Variants in ZSWIM5 observed in about 807,000 individuals in gnomAD.
ZSWIM5 encodes zinc finger SWIM domain-containing protein 5.
A neutral mutation model predicts 119.6 loss-of-function variants in ZSWIM5; 55 were observed. That is an observed-to-expected ratio of 0.46 (90% CI 0.37 to 0.58). ZSWIM5 has a LOEUF of 0.58. Ranked by LOEUF, ZSWIM5 falls within the 20% of genes least tolerant of loss-of-function variation. ZSWIM5 has a pLI of 0.00. For missense variants in ZSWIM5, 1,193 were observed against 1,512.8 expected (o/e 0.79, Z 3.51); for synonymous variants, 537 against 606.9 (o/e 0.88, Z 1.69).
chr1:45,197,389 T>C (rs1216581563), intron 1 of ZSWIM5, among the ~76,000 whole-genome samples: 2 of 152,238 alleles, frequency 1.3e-5, no homozygotes, highest in Non-Finnish European at 2.9e-5. Context: ...TTCATACATA[T>C]GAAATTGTAT....
At chr1:45,056,287 T>C (rs1357721067) in intron 4 of ZSWIM5, among the ~76,000 whole-genome samples, 1 of 152,004 alleles carries the variant, frequency 6.6e-6, no homozygotes, top group Non-Finnish European at 1.5e-5. Flanking sequence ...TTTTTTAAAA[T>C]TTGAGATCAA....
chr1:45,176,224 C>A (rs1358265576), intron 1 of ZSWIM5, among the ~76,000 whole-genome samples: 1 of 150,914 alleles, frequency 6.6e-6, no homozygotes, highest in Non-Finnish European at 1.5e-5. Context: ...AATCCAAAAC[C>A]CAGAGTTCAT....
Position 45,051,214 on chromosome 1 carries a change from T to C in ZSWIM5, c.1292A>G (p.Lys431Arg), listed in dbSNP as rs1195420555. 1.9e-6 allele frequency: 3 copies of C among 1,614,178 alleles called. No individual in the cohort carries two copies. The highest frequency in any genetic ancestry group is 1.7e-5 in the Admixed American group (1 of 60,018). Reference protein sequence around the residue: ...WVCIILNPHCKLEEKSCWLQQ... With the variant: ...WVCIILNPHCRLEEKSCWLQQ... ...CAGCCAGCAGGATTTCTCCTCCAGT[T>C]TGCAGTGTGGATTTAAAATTATGCA... Residue 431 changes from lysine to arginine, a missense_variant, in exon 5 of 14, where the codon AAA becomes AGA. This residue lies in a region of ZSWIM5 where 961 missense variants were observed against 1,290.0 expected (regional missense o/e 0.74). Transcript: ENST00000359600.
intron 2 of ZSWIM5, among the ~76,000 whole-genome samples, chr1:45,081,462 C>T (rs1240578808): frequency 7.9e-5 from 12 of 152,114 alleles, no homozygotes; most frequent in Admixed American, 3.3e-4. Context: ...AGGCGCGCGC[C>T]GCCACGCCTG....
Position 45,020,779 on chromosome 1 carries a change from A to C in ZSWIM5, c.2459T>G (p.Leu820Trp), listed in dbSNP as rs941250199. 2.5e-6 allele frequency: 4 copies of C among 1,613,994 alleles called. No individual in the cohort carries two copies. The African/African-American group carries it at 5.3e-5, about 22-fold the overall frequency. Residue 820 changes from leucine to tryptophan, a missense_variant, in exon 12 of 14, where the codon TTG (leucine) becomes TGG (tryptophan). Physicochemically the swap from Leu to Trp is moderately conservative, Grantham distance 61. Around this residue, in one of 2 missense-constraint regions of ZSWIM5, gnomAD observed 961 missense variants for 1,290.0 expected, o/e 0.74. Transcript: ENST00000359600. ...TGCTTCCAGAATTGTTCGGAGTCTCAAAGTGTCTCCTATAGGTGTCAAGAG... is the reference window on the plus strand; with the variant it reads ...TGCTTCCAGAATTGTTCGGAGTCTCCAAGTGTCTCCTATAGGTGTCAAGAG... ...TMLTAAKGDT[L>W]RLRTILEAIQ...
chr1:45,190,685 G>T (rs1386626622), intron 1 of ZSWIM5, among the ~76,000 whole-genome samples: 1 of 152,146 alleles, frequency 6.6e-6, no homozygotes, highest in East Asian at 1.9e-4. Context: ...TCCTCCATGA[G>T]CTGCCCTCAA....
chr1:45,165,689 C>G (rs756370891), intron 1 of ZSWIM5, among the ~76,000 whole-genome samples: 4 of 152,128 alleles, frequency 2.6e-5, no homozygotes, highest in Non-Finnish European at 4.4e-5. Flanking sequence ...CTATAAACAT[C>G]TCTGCACAAA....
At chr1:45,033,886 G>A (rs1276903771) in intron 11 of ZSWIM5, among the ~76,000 whole-genome samples, 4 of 149,974 alleles carry the variant, frequency 2.7e-5, no homozygotes, top group Non-Finnish European at 4.4e-5. Context: ...TTTTTGAGAC[G>A]GAGTCTTGCT....
At chr1:45,027,292 A>T (rs1644926590) in intron 11 of ZSWIM5, among the ~76,000 whole-genome samples, 1 of 151,686 alleles carries the variant, frequency 6.6e-6, no homozygotes, top group South Asian at 2.1e-4. Context: ...TATTTTCCCC[A>T]ATGTGGAAGT....
chr1:45,158,159 T>C (rs1645841793), intron 1 of ZSWIM5, among the ~76,000 whole-genome samples: 1 of 152,176 alleles, frequency 6.6e-6, no homozygotes, highest in Admixed American at 6.5e-5. Flanking sequence ...ACTATACATA[T>C]ATTTTTTTAA....
At chr1:45,038,377 T>C (rs1303965897) in intron 8 of ZSWIM5, among the ~76,000 whole-genome samples, 3 of 152,144 alleles carry the variant, frequency 2.0e-5, no homozygotes, top group Non-Finnish European at 4.4e-5. Context: ...CTTCTTGGAC[T>C]ACATTCTTTA....
chr1:45,141,073 T>C (rs748065829), intron 1 of ZSWIM5, among the ~76,000 whole-genome samples: 8 of 152,164 alleles, frequency 5.3e-5, no homozygotes, highest in Non-Finnish European at 8.8e-5. Flanking sequence ...TTTTCCACTT[T>C]CTTTTCTCCA....
chr1:45,133,423 T>C (rs551233445), intron 1 of ZSWIM5, among the ~76,000 whole-genome samples: 1 of 152,360 alleles, frequency 6.6e-6, no homozygotes, highest in South Asian at 2.1e-4. Flanking sequence ...TTTTGAGAAG[T>C]GTCCATTCAT....
In ZSWIM5 at chr1:45,034,463, A is replaced by G; in HGVS notation, c.2298T>C (p.Pro766=). The change falls in exon 11 of 14, where the codon CCT becomes CCC. Residue 766 remains proline (P), a synonymous_variant. Transcript: ENST00000359600. ...YKLALRAMRL[P]VLENSASAGD... ...CTGCAGAAGCTGAGTTTTCTAAAAC[A>G]GGTAACCTGGAAGACCCAGGAAGAA... The G allele has an allele frequency of 6.2e-7, 1 of 1,603,506 alleles. No homozygotes were observed. The highest frequency in any genetic ancestry group is 8.5e-7 in the Non-Finnish European group (1 of 1,174,236).
chr1:45,106,267 C>T (rs1407462473), intron 1 of ZSWIM5, among the ~76,000 whole-genome samples: 8 of 138,548 alleles, frequency 5.8e-5, no homozygotes, highest in African/African-American at 8.2e-5. Flanking sequence ...ACCTCTGCCC[C>T]GCCCCCTCTG....
chr1:45,177,107 G>C (rs1023223458), intron 1 of ZSWIM5, among the ~76,000 whole-genome samples: 4 of 152,072 alleles, frequency 2.6e-5, no homozygotes, highest in African/African-American at 7.2e-5. Context: ...GAAGAGAAGA[G>C]CAGTATCATT....
intron 1 of ZSWIM5, among the ~76,000 whole-genome samples, chr1:45,133,255 C>T (rs1645669376): frequency 6.6e-6 from 1 of 152,184 alleles, no homozygotes; most frequent in Non-Finnish European, 1.5e-5. Flanking sequence ...TCCTGTTTCT[C>T]CACATCCTCT....
chr1:45,092,521 T>C (rs1277690801), intron 1 of ZSWIM5, among the ~76,000 whole-genome samples: 1 of 144,380 alleles, frequency 6.9e-6, no homozygotes, highest in East Asian at 2.1e-4. Context: ...GGTCTTGAAC[T>C]TGTGACCTCG....
In ZSWIM5 at chr1:45,027,642, C is replaced by A. The variant is rs138478201; in HGVS notation, c.2449+6670G>T. Among the ~76,000 whole-genome samples the A allele has an allele frequency of 8.7e-4, 132 of 152,184 alleles. 1 individual carries two copies. Among genetic ancestry groups the A allele is most frequent in the African/African-American group, 3.1e-3 (128 of 41,522 alleles). ...AACTCCTGACCTCATATGATTGCCTCGGCCTCTCAAAGTGCTGAGATTATA... is the reference window on the plus strand; with the variant it reads ...AACTCCTGACCTCATATGATTGCCTAGGCCTCTCAAAGTGCTGAGATTATA... On this transcript the variant is annotated intron_variant, in intron 11 of 13. Transcript: ENST00000359600.
Sources: allele counts gnomAD v4.1 joint callset (sites outside exome capture counted in the v4.1 genomes callset), GRCh38; gene constraint gnomAD v4.1.1; regional missense constraint gnomAD v4.1.1; transcripts MANE v1.5; gene names NCBI Gene and HGNC (gene_info 2026-07-23, HGNC 2026-07-21).